The following SLC15A3 variants were observed in gnomAD, a reference collection of about 807,000 sequenced individuals.
The protein encoded by SLC15A3 is osteoclast transporter.
A neutral mutation model predicts 49.2 loss-of-function variants in SLC15A3; 39 were observed. That is an observed-to-expected ratio of 0.79 (90% CI 0.61 to 1.04). The LOEUF (loss-of-function observed/expected upper bound fraction) is 1.04. Among genes scored for constraint, SLC15A3 ranks in the 50% least tolerant of loss-of-function variants. SLC15A3 has a pLI of 0.00. For missense variants in SLC15A3, 758 were observed against 794.8 expected (o/e 0.95, Z 0.56); for synonymous variants, 339 against 367.0 (o/e 0.92, Z 0.87).
chr11:60,938,170 C>G (rs1023885259), intron 6 of SLC15A3, 145 bp from the exon 7 acceptor site: 1 of 983,666 alleles, frequency 1.0e-6, no homozygotes, highest in African/African-American at 1.7e-5. Flanking sequence ...GTGGCAATGA[C>G]AGCACCCATG....
chr11:60,941,073 C>T (rs1293282218), intron 5 of SLC15A3, 49 bp downstream of exon 5: 3 of 1,561,552 alleles, frequency 1.9e-6, no homozygotes, highest in East Asian at 2.3e-5. Flanking sequence ...TGGAAGCAGA[C>T]TTCCCCAAGC....
Position 60,942,264 on chromosome 11 carries a change from T to C in SLC15A3, c.997-119A>G, listed in dbSNP as rs1856724196. The stretch of plus-strand genomic sequence containing the variant: ...GCTGGGCAGCTGTCCCCTCTCCCAG[T>C]CTCAGGGAGATAGTCACCTTCCCAC... On this transcript the variant is annotated intron_variant, in intron 3 of 7. Transcript: ENST00000227880. The C allele has an allele frequency of 1.0e-5, 8 of 781,296 alleles. No individual in the cohort carries two copies. In the South Asian group the frequency reaches 1.2e-4, roughly 12 times the overall value. The allele number at this position is 781,296 out of a possible 1,614,324, so 48.4% of individuals were successfully genotyped here. A position where few individuals can be genotyped will look rare whatever the true frequency, so the allele number is the denominator to read the frequency against.
intron 2 of SLC15A3, 135 bp downstream of exon 2, chr11:60,946,397 C>G: frequency 9.6e-7 from 1 of 1,043,550 alleles, no homozygotes. Context: ...CTCTGGCCCA[C>G]TGGAGAGCAG....
At chr11:60,941,715 AG>A in intron 4 of SLC15A3, 1 of 350,720 alleles carries the variant, frequency 2.9e-6, no homozygotes, top group Non-Finnish European at 5.3e-6. Flanking sequence ...TAAGGGTCCC[AG>A]AGAAAGAGGG....
chr11:60,951,532 C>A lies in SLC15A3; in HGVS notation c.20G>T (p.Arg7Leu). ...CTCCCCGGGCACGCGGGGCTGCTCC[C>A]GGGCGCGCGGCGCGGGCATCCTGGC... MPAPRA[R>L]EQPRVPGERQ... Residue 7 changes from arginine to leucine, a missense_variant, in exon 1 of 8, where the codon CGG (arginine) becomes CTG (leucine). By Grantham distance (102) the Arg-to-Leu change is moderately radical. Around this residue, in one of 3 missense-constraint regions of SLC15A3, gnomAD observed 28 missense variants for 29.7 expected, o/e 0.94. Coordinates refer to ENST00000227880, the MANE Select transcript of SLC15A3 (RefSeq NM_016582.3). 8.7e-7 allele frequency: 1 copy of A among 1,152,078 alleles called. No homozygotes were observed. The highest frequency in any genetic ancestry group is 4.3e-5 in the South Asian group (1 of 23,318). 71.4% of individuals were successfully genotyped at this position (1,152,078 alleles called of 1,614,324 possible). A position where few individuals can be genotyped will look rare whatever the true frequency, so the allele number is the denominator to read the frequency against.
intron 2 of SLC15A3, among the ~76,000 whole-genome samples, chr11:60,945,134 T>C (rs1856782247): frequency 6.6e-6 from 1 of 152,210 alleles, no homozygotes; most frequent in African/African-American, 2.4e-5. Flanking sequence ...AGAAGACCCA[T>C]AACTTCTGCT....
chr11:60,941,539 TA>T (rs1232194566), intron 4 of SLC15A3: 37 of 450,102 alleles, frequency 8.2e-5, no homozygotes, highest in East Asian at 6.3e-4. Context: ...GGGCTCAGCA[TA>T]AAAAAAGTCA....
chr11:60,949,012 G>A (rs1473734621), intron 1 of SLC15A3, among the ~76,000 whole-genome samples: 3 of 152,156 alleles, frequency 2.0e-5, no homozygotes, highest in Non-Finnish European at 4.4e-5. Flanking sequence ...GGGTCTCTAG[G>A]TCAGAAAGAA....
At chr11:60,941,331 C>A in intron 4 of SLC15A3, 41 bp from the exon 5 acceptor site, 1 of 1,582,532 alleles carries the variant, frequency 6.3e-7, no homozygotes, top group Non-Finnish European at 8.6e-7. Context: ...TAGCAGAGTG[C>A]AAGGAGCCTG....
chr11:60,946,640 G>T lies in SLC15A3; in HGVS notation c.740C>A (p.Ala247Asp). 1 of 1,614,154 alleles carries T rather than the reference G, an allele frequency of 6.2e-7. No homozygotes were observed. Among genetic ancestry groups the T allele is most frequent in the East Asian group, 2.2e-5 (1 of 44,888 alleles). The change falls in exon 2 of 8, where the codon GCC (alanine) becomes GAC (aspartate). Residue 247 changes from alanine (A) to aspartate (D), a missense_variant. By Grantham distance (126) the Ala-to-Asp change is moderately radical. This residue lies in a region of SLC15A3 where 699 missense variants were observed against 706.7 expected (regional missense o/e 0.99). Transcript: ENST00000227880. ...GGGCTTGGTGATGAAGACGGGGGTG[G>T]CAAAGAGGAAGATGAAAAATGCCAG... is the stretch of plus-strand genomic sequence containing the variant. ...VGLAFFIFLF[A>D]TPVFITKPPM...
At chr11:60,943,115 A>C (rs1317222707) in intron 3 of SLC15A3, 1 of 152,268 alleles carries the variant, frequency 6.6e-6, no homozygotes, top group African/African-American at 2.4e-5. Flanking sequence ...TTCTGATTCA[A>C]TAGCCTGTGG....
intron 2 of SLC15A3, among the ~76,000 whole-genome samples, chr11:60,945,709 G>A (rs1297930792): frequency 2.6e-5 from 4 of 152,218 alleles, no homozygotes; most frequent in Non-Finnish European, 5.9e-5. Flanking sequence ...ACCTATGCAA[G>A]GTCATTCAGA....
rs1409474820 is a variant in SLC15A3, at chr11:60,951,047, C to A, written c.505G>T (p.Gly169Cys). 2 of 1,496,632 alleles carry A rather than the reference C, an allele frequency of 1.3e-6. No homozygotes were observed. Among genetic ancestry groups the A allele is most frequent in the East Asian group, 2.8e-5 (1 of 35,354 alleles). 92.7% of individuals were successfully genotyped at this position (1,496,632 alleles called of 1,614,324 possible). A position where few individuals can be genotyped will look rare whatever the true frequency, so the allele number is the denominator to read the frequency against. Reference sequence around the variant, plus strand: ...CTCCGGACGGAGCTGGCGGCCAGGCCGAGTAGCAGCAGGCCCGCGTAGAGG... The same window carrying A: ...CTCCGGACGGAGCTGGCGGCCAGGCAGAGTAGCAGCAGGCCCGCGTAGAGG... Reference protein sequence around the residue: ...PVLYAGLLLLGLAASSVRSNL... With the variant: ...PVLYAGLLLLCLAASSVRSNL... Residue 169 changes from glycine (G) to cysteine (C), a missense_variant, in exon 1 of 8, where the codon GGC becomes TGC. Gly to Cys is a radical substitution (Grantham distance 159). Coordinates refer to ENST00000227880, the MANE Select transcript of SLC15A3 (RefSeq NM_016582.3).
At chr11:60,939,902 T>A in intron 5 of SLC15A3, 1 of 446,884 alleles carries the variant, frequency 2.2e-6, no homozygotes. Context: ...GAACCTGTTA[T>A]GTGCTAGGCA....
At chr11:60,939,812 C>A (rs1211729820) in intron 5 of SLC15A3, 174 bp from the exon 6 acceptor site, 2 of 690,970 alleles carry the variant, frequency 2.9e-6, no homozygotes, top group Non-Finnish European at 4.7e-6. Flanking sequence ...ATGTGACCAA[C>A]TCCTCCCTTT....
chr11:60,938,744 G>A (rs1019206678), intron 6 of SLC15A3, among the ~76,000 whole-genome samples: 2 of 152,042 alleles, frequency 1.3e-5, no homozygotes, highest in African/African-American at 2.4e-5. Flanking sequence ...CTGTAAGACC[G>A]CTCCTCCTAC....
intron 2 of SLC15A3, 109 bp from the exon 3 acceptor site, chr11:60,943,945 G>T: frequency 8.9e-7 from 1 of 1,128,418 alleles, no homozygotes; most frequent in Non-Finnish European, 1.2e-6. Flanking sequence ...ATCACCTGAG[G>T]TCAGGAGTTC....
intron 1 of SLC15A3, among the ~76,000 whole-genome samples, chr11:60,948,713 G>A (rs930948719): frequency 3.3e-5 from 5 of 152,200 alleles, no homozygotes; most frequent in South Asian, 4.1e-4. Context: ...ATCAGGTCCC[G>A]ACTTCATGAG....
At chr11:60,941,463 G>A (rs1228362926) in intron 4 of SLC15A3, 173 bp from the exon 5 acceptor site, 3 of 579,736 alleles carry the variant, frequency 5.2e-6, no homozygotes, top group Non-Finnish European at 8.8e-6. Flanking sequence ...ATGTAGAGAT[G>A]GCAAATAGGT....
Sources: gnomAD v4.1 joint callset for allele counts (sites outside exome capture counted in the v4.1 genomes callset) on GRCh38, gnomAD v4.1.1 for gene constraint, gnomAD v4.1.1 regional missense constraint, MANE v1.5 for transcripts, NCBI Gene and HGNC (gene_info 2026-07-23, HGNC 2026-07-21) for gene names.